Variants in SLC12A7 observed in about 807,000 individuals in gnomAD.
The protein encoded by SLC12A7 is K-Cl cotransporter 4.
A neutral mutation model predicts 120.6 loss-of-function variants in SLC12A7; 100 were observed. That is an observed-to-expected ratio of 0.83 (90% confidence interval 0.71 to 0.98). The LOEUF (loss-of-function observed/expected upper bound fraction) is 0.98, where lower values mean the gene tolerates loss of function less well. SLC12A7 is among the 50% of genes least tolerant of loss of function. The pLI, the probability that SLC12A7 is intolerant of heterozygous loss-of-function variation, is 0.00. For synonymous variants in SLC12A7, 760 were observed against 678.0 expected, an observed-to-expected ratio of 1.12 and a Z score of -1.88; for missense variants, 1,373 against 1,548.1, an observed-to-expected ratio of 0.89 and a Z score of 1.90.
chr5:1,152,961 C>T, the SLC12A7 span, among the ~76,000 whole-genome samples: 5 of 152,340 alleles, frequency 3.3e-5, no homozygotes, highest in Admixed American at 1.3e-4. Flanking sequence ...GCGCCCAACG[C>T]ATGCCAATAA....
chr5:1,146,111 T>C, the SLC12A7 span, among the ~76,000 whole-genome samples: 2 of 152,216 alleles, frequency 1.3e-5, no homozygotes, highest in Admixed American at 6.5e-5. The surrounding 1 kb of genome is among the most constrained non-coding windows in gnomAD (Gnocchi z 6.5). Context: ...TTCTGCAGGA[T>C]TGACCTTTCT....
chr5:1,128,166 G>A, the SLC12A7 span, among the ~76,000 whole-genome samples: 1 of 152,228 alleles, frequency 6.6e-6, no homozygotes, highest in Non-Finnish European at 1.5e-5. Flanking sequence ...GTGGGTGCCT[G>A]AGGAACACTC....
rs371811818 is a variant in SLC12A7, at chr5:1,073,592, G to C, written c.2241+41C>G. The C allele has an allele frequency of 8.9e-6, 14 of 1,565,802 alleles. 1 individual carries two copies. The Middle Eastern group carries it at 7.3e-4, about 81-fold the overall frequency. The stretch of plus-strand genomic sequence containing the variant: ...CAGGGCACGTTTCCTGTGCAGCTGG[G>C]GTGGGAAAGAGGCCTGGCCCCCAGA... On this transcript the variant is annotated intron_variant, in intron 17 of 23. Transcript: ENST00000264930.
chr5:1,103,805 C>T lies in SLC12A7; in HGVS notation c.124+8063G>A, dbSNP rs185153595. ...TCCATCTAAAGGACACGCCTGCTCG[C>T]GGGAAGGTGGCCTCGGGTGAACTCA... is the stretch of plus-strand genomic sequence containing the variant. On this transcript the variant is annotated intron_variant, in intron 1 of 23. Transcript: ENST00000264930. Among the ~76,000 whole-genome samples the T allele has an allele frequency of 4.7e-4, 71 of 152,376 alleles. No individual in the cohort carries two copies. The East Asian group carries it at 0.013, about 27-fold the overall frequency.
At chr5:1,122,932 C>T in the SLC12A7 span, among the ~76,000 whole-genome samples, 2 of 152,278 alleles carry the variant, frequency 1.3e-5, no homozygotes, top group East Asian at 3.8e-4. Flanking sequence ...CCCACGTGCG[C>T]ACGCACAAGC....
intron 3 of SLC12A7, among the ~76,000 whole-genome samples, chr5:1,092,573 C>T (rs888148369): frequency 6.6e-6 from 1 of 152,114 alleles, no homozygotes; most frequent in Admixed American, 6.5e-5. Flanking sequence ...AAAAATCACC[C>T]TAAAAAGCCA....
chr5:1,087,759 C>A (rs539174342), intron 5 of SLC12A7, among the ~76,000 whole-genome samples: 186 of 152,344 alleles, frequency 1.2e-3, no homozygotes, highest in Non-Finnish European at 2.3e-3. Flanking sequence ...GACGTGGCAG[C>A]GTCTCCGTTC....
chr5:1,131,189 G>A, the SLC12A7 span, among the ~76,000 whole-genome samples: 2 of 152,168 alleles, frequency 1.3e-5, no homozygotes, highest in African/African-American at 2.4e-5. Context: ...ACGGGGACAC[G>A]TGGGGACACG....
intron 13 of SLC12A7, 149 bp from the exon 14 acceptor site, chr5:1,076,385 G>C: frequency 1.4e-6 from 1 of 694,800 alleles, no homozygotes; most frequent in South Asian, 1.9e-5. Flanking sequence ...GACTCAGACT[G>C]ATTCCGAATC....
rs201883156 is a variant in SLC12A7, at chr5:1,083,306, G to A, written c.1129+439C>T. On this transcript the variant is annotated intron_variant, in intron 8 of 23. Transcript: ENST00000264930. ...GGGTTCTGGAAAGTCCGGGCTTCCC[G>A]TCTCGGGTTCTGGAGCAGGTCTCGT... Among the ~76,000 whole-genome samples the A allele has an allele frequency of 2.4e-3, 367 of 152,132 alleles. 10 individuals are homozygous for A. In the East Asian group the frequency reaches 0.056, roughly 23 times the overall value.
At chr5:1,126,336 G>A in the SLC12A7 span, among the ~76,000 whole-genome samples, 27 of 152,252 alleles carry the variant, frequency 1.8e-4, no homozygotes, top group East Asian at 2.9e-3. Context: ...TAATCTGATC[G>A]CCTCGGCCTC....
chr5:1,129,660 G>A, the SLC12A7 span, among the ~76,000 whole-genome samples: 18 of 151,840 alleles, frequency 1.2e-4, no homozygotes, highest in Admixed American at 2.0e-4. Context: ...AAGCCCTCAC[G>A]CGGATGAACA....
Position 1,082,792 on chromosome 5 carries a change from C to G in SLC12A7, c.1129+953G>C, listed in dbSNP as rs1425116709. 3.5e-5 allele frequency among the ~76,000 whole-genome samples: 5 copies of G among 144,840 alleles called. No homozygotes were observed. The East Asian group carries it at 1.0e-3, about 30-fold the overall frequency. ...CTTGGGTTCTGGAAAGCCTGGGCTT[C>G]CCGTCTCAGGTTCTGGAAAGTCCAG... is the stretch of plus-strand genomic sequence containing the variant. On this transcript the variant is annotated intron_variant, in intron 8 of 23. Coordinates refer to ENST00000264930, the MANE Select transcript of SLC12A7 (RefSeq NM_006598.3).
chr5:1,075,297 C>A lies in SLC12A7; in HGVS notation c.1967+74G>T. 4.5e-6 allele frequency: 7 copies of A among 1,546,312 alleles called. 1 individual carries two copies. In the South Asian group the frequency reaches 8.5e-5, roughly 19 times the overall value. ...GCCCCAGGGAGGCCCCTCCAGGGAG[C>A]TGCCCCAGGCATAGCATGAGAGGGG... On this transcript the variant is annotated intron_variant, in intron 15 of 23. Coordinates refer to ENST00000264930, the MANE Select transcript of SLC12A7 (RefSeq NM_006598.3).
intron 3 of SLC12A7, among the ~76,000 whole-genome samples, chr5:1,090,750 C>G (rs934610411): frequency 7.2e-5 from 11 of 152,230 alleles, no homozygotes; most frequent in African/African-American, 2.2e-4. Context: ...GAGTCAGAAG[C>G]TGGTTCTCGG....
At position 1,085,375 on chromosome 5, in the gene SLC12A7, C is replaced by G. The variant is rs757335472; in HGVS notation, c.774G>C (p.Thr258=). Residue 258 remains threonine, a synonymous_variant, in exon 7 of 24, where the codon ACG becomes ACC. Coordinates refer to ENST00000264930, the MANE Select transcript of SLC12A7 (RefSeq NM_006598.3). ...AGACCACCAGGGCCATGAGCACGAGCGTGCACGTGCCGTACACACGCATGT... is the reference window on the plus strand; with the variant it reads ...AGACCACCAGGGCCATGAGCACGAGGGTGCACGTGCCGTACACACGCATGT... The part of the protein sequence containing the change: ...LHNMRVYGTC[T]LVLMALVVFV... 6 of 1,612,100 alleles carry G rather than the reference C, an allele frequency of 3.7e-6. No individual in the cohort carries two copies. The highest frequency in any genetic ancestry group is 5.1e-6 in the Non-Finnish European group (6 of 1,179,684).
intron 1 of SLC12A7, among the ~76,000 whole-genome samples, chr5:1,104,708 C>G (rs985744876): frequency 6.6e-6 from 1 of 151,510 alleles, no homozygotes; most frequent in African/African-American, 2.5e-5. Context: ...TGGGGTGCTG[C>G]CCAAGAAAAC....
intron 1 of SLC12A7, among the ~76,000 whole-genome samples, chr5:1,099,511 AT>A (rs1554022473): frequency 2.0e-5 from 3 of 151,290 alleles, no homozygotes; most frequent in African/African-American, 2.5e-5. Flanking sequence ...GACGGCAGGC[AT>A]CCTCAGCGGG....
intron 6 of SLC12A7, 71 bp downstream of exon 6, chr5:1,086,832 G>T: frequency 1.9e-6 from 3 of 1,574,238 alleles, no homozygotes; most frequent in Non-Finnish European, 2.6e-6. Context: ...CCACAGAGTG[G>T]GTCAGGCAGG....
Sources: allele counts gnomAD v4.1 joint callset (sites outside exome capture counted in the v4.1 genomes callset), GRCh38; gene constraint gnomAD v4.1.1; non-coding constraint Gnocchi (gnomAD v3.1); transcripts MANE v1.5; gene names NCBI Gene and HGNC (gene_info 2026-07-23, HGNC 2026-07-21).